The following SPOCK3 variants were observed in gnomAD, a reference collection of about 807,000 sequenced individuals.
SPOCK3 encodes the protein SPARC (osteonectin), cwcv and kazal like domains proteoglycan 3.
In SPOCK3, 30 loss-of-function variants were observed where a neutral mutation model predicts 56.6. The observed-to-expected ratio is 0.53, with a 90% CI of 0.40 to 0.72. The LOEUF (loss-of-function observed/expected upper bound fraction) is 0.72, where lower values mean the gene tolerates loss of function less well. Among genes scored for constraint, SPOCK3 ranks in the 30% least tolerant of loss-of-function variants. The probability of loss-of-function intolerance (pLI) is 0.00; values close to 1 mark genes in which losing one functional copy is unlikely to be tolerated. For missense variants in SPOCK3, 527 were observed against 530.0 expected, an observed-to-expected ratio of 0.99 and a Z score of 0.06; for synonymous variants, 196 against 183.3, an observed-to-expected ratio of 1.07 and a Z score of -0.56.
At chr4:167,089,350 CTA>C (rs1758502554) in intron 2 of SPOCK3, among the ~76,000 whole-genome samples, 1 of 152,008 alleles carries the variant, frequency 6.6e-6, no homozygotes. Flanking sequence ...TTAAGATATT[CTA>C]TCTTACTCTT....
rs1323996052 is a variant in SPOCK3, at chr4:166,792,321, T to A, written c.590-32A>T. On this transcript the variant is annotated intron_variant, in intron 6 of 10. Coordinates refer to ENST00000357545, the MANE Select transcript of SPOCK3 (RefSeq NM_001040159.2). ...ACAGAGAAACAACACAAGTCTTGAA[T>A]AATATCTTAGTATAATGTTAGTGCT... 1.9e-6 allele frequency: 3 copies of A among 1,611,692 alleles called. No homozygotes were observed. In the Admixed American group the frequency reaches 5.0e-5, roughly 27 times the overall value.
intron 6 of SPOCK3, among the ~76,000 whole-genome samples, chr4:166,862,830 A>G (rs747939449): frequency 1.2e-4 from 18 of 152,226 alleles, no homozygotes; most frequent in African/African-American, 3.4e-4. Context: ...TATTTGTATT[A>G]TCATTTACAA....
intron 8 of SPOCK3, among the ~76,000 whole-genome samples, chr4:166,749,050 T>C (rs189073262): frequency 1.5e-5 from 2 of 137,558 alleles, no homozygotes; most frequent in Admixed American, 1.4e-4. Context: ...GACTGTAGAC[T>C]AGTTCAACCA....
chr4:166,851,762 A>G (rs1730117268), intron 6 of SPOCK3, among the ~76,000 whole-genome samples: 1 of 151,962 alleles, frequency 6.6e-6, no homozygotes, highest in Admixed American at 6.6e-5. Context: ...ATCTAGAACT[A>G]GAAATACCAT....
chr4:166,998,443 T>C (rs182443377), intron 4 of SPOCK3, among the ~76,000 whole-genome samples: 18 of 152,214 alleles, frequency 1.2e-4, no homozygotes, highest in Admixed American at 1.0e-3. Context: ...GTTAAGCTGT[T>C]TAATAAGTCA....
At position 166,873,218 on chromosome 4, in the gene SPOCK3, A is replaced by AC. The variant is rs546413204; in HGVS notation, c.589+15911_589+15912insG. ...AGTGATGAAGAAGTTAAAAAAAAAA[A>AC]AAAACATCAGTGGTTTCCAGGGCTT... On this transcript the variant is annotated intron_variant, in intron 6 of 10. Coordinates refer to ENST00000357545, the MANE Select transcript of SPOCK3 (RefSeq NM_001040159.2). Among the ~76,000 whole-genome samples the AC allele has an allele frequency of 2.2e-3, 336 of 152,168 alleles. 2 individuals are homozygous for AC. The highest frequency in any genetic ancestry group is 7.7e-3 in the African/African-American group (319 of 41,496).
intron 7 of SPOCK3, among the ~76,000 whole-genome samples, chr4:166,775,948 G>A (rs923703779): frequency 1.3e-5 from 2 of 152,108 alleles, no homozygotes; most frequent in African/African-American, 2.4e-5. Context: ...GGTACAGCAG[G>A]TGCTCTAGAA....
At position 166,820,588 on chromosome 4, in the gene SPOCK3, C is replaced by T. The variant is rs558772859; in HGVS notation, c.590-28299G>A. 2.6e-5 allele frequency among the ~76,000 whole-genome samples: 4 copies of T among 151,842 alleles called. No homozygotes were observed. In the East Asian group the frequency reaches 5.8e-4, roughly 22 times the overall value. On this transcript the variant is annotated intron_variant, in intron 6 of 10. Coordinates refer to ENST00000357545, the MANE Select transcript of SPOCK3 (RefSeq NM_001040159.2). Reference sequence around the variant, plus strand: ...AGTTAAAACCTAGCACTTTGGGAGGCCGAGGTTGAGTGAATCACTTGAGCC... The same window carrying T: ...AGTTAAAACCTAGCACTTTGGGAGGTCGAGGTTGAGTGAATCACTTGAGCC...
intron 3 of SPOCK3, among the ~76,000 whole-genome samples, chr4:167,059,220 C>T (rs1455281732): frequency 2.0e-5 from 3 of 152,048 alleles, no homozygotes; most frequent in Non-Finnish European, 2.9e-5. Flanking sequence ...AGGCAACCTA[C>T]AAAATGGGAG....
intron 2 of SPOCK3, among the ~76,000 whole-genome samples, chr4:167,196,454 A>C (rs765809221): frequency 2.0e-5 from 3 of 152,102 alleles, no homozygotes; most frequent in Admixed American, 6.6e-5. Flanking sequence ...AGGTCCTTAA[A>C]TCAGGGTTTC....
At position 167,212,671 on chromosome 4, in the gene SPOCK3, A is replaced by C. The variant is rs371740855; in HGVS notation, c.189+21314T>G. On this transcript the variant is annotated intron_variant, in intron 2 of 10. Transcript: ENST00000357545. ...TAGCACAAGTTGTATCTGTCTCAGT[A>C]AACTTTAATGTAATTCAGAGAACCA... 5.8e-4 allele frequency among the ~76,000 whole-genome samples: 88 copies of C among 152,334 alleles called. 4 individuals carry two copies. The South Asian group carries it at 8.3e-3, about 14-fold the overall frequency.
In SPOCK3 at chr4:167,006,886, T is replaced by G. The variant is rs562654599; in HGVS notation, c.236-6423A>C. Reference sequence around the variant, plus strand: ...CTCTTTATCCCTCGCAACTCAAAACTCTCAGGTGCCACTTTGCTCTTTCAT... The same window carrying G: ...CTCTTTATCCCTCGCAACTCAAAACGCTCAGGTGCCACTTTGCTCTTTCAT... On this transcript the variant is annotated intron_variant, in intron 3 of 10. Coordinates refer to ENST00000357545, the MANE Select transcript of SPOCK3 (RefSeq NM_001040159.2). Among the ~76,000 whole-genome samples, 7 of 152,290 alleles carry G rather than the reference T, an allele frequency of 4.6e-5. No homozygotes were observed. In the South Asian group the frequency reaches 6.2e-4, roughly 14 times the overall value.
At chr4:166,969,354 C>T (rs1251831225) in intron 4 of SPOCK3, among the ~76,000 whole-genome samples, 2 of 152,000 alleles carry the variant, frequency 1.3e-5, no homozygotes, top group Non-Finnish European at 2.9e-5. Flanking sequence ...GGCTCTGTGC[C>T]CCCACCCAAG....
chr4:166,899,274 CTAT>C, intron 5 of SPOCK3, among the ~76,000 whole-genome samples: 1 of 135,816 alleles, frequency 7.4e-6, no homozygotes, highest in East Asian at 2.3e-4. Flanking sequence ...ATCTATCTAT[CTAT>C]CTATCTATCT....
In SPOCK3 at chr4:167,082,812, GGAGGGAGGGAAGACA is replaced by G. The variant is rs1201708002; in HGVS notation, c.190-20290_190-20276del. Among the ~76,000 whole-genome samples the G allele has an allele frequency of 5.4e-5, 8 of 149,346 alleles. No homozygotes were observed. In the East Asian group the frequency reaches 1.4e-3, roughly 26 times the overall value. On this transcript the variant is annotated intron_variant, in intron 2 of 10. Coordinates refer to ENST00000357545, the MANE Select transcript of SPOCK3 (RefSeq NM_001040159.2). ...AGGAAGGGGCAGAGAGAGGACAGAG[GGAGGGAGGGAAGACA>G]GAGGGAGGGAAGGAAGGGAAGAGGG...
At chr4:166,941,373 C>A (rs1447694518) in intron 4 of SPOCK3, among the ~76,000 whole-genome samples, 1 of 152,194 alleles carries the variant, frequency 6.6e-6, no homozygotes, top group Non-Finnish European at 1.5e-5. Flanking sequence ...AACACAGAAC[C>A]ATTAGAAGAG....
Position 166,863,682 on chromosome 4 carries a change from A to C in SPOCK3, c.589+25448T>G, listed in dbSNP as rs921677458. ...GACTTTAAACCAACAAAGATCAAAA[A>C]AGACAAAGGCAGAACATAATGGTAA... On this transcript the variant is annotated intron_variant, in intron 6 of 10. Transcript: ENST00000357545. Among the ~76,000 whole-genome samples, 4 of 151,946 alleles carry C rather than the reference A, an allele frequency of 2.6e-5. No individual in the cohort carries two copies. In the East Asian group the frequency reaches 5.8e-4, roughly 22 times the overall value.
intron 6 of SPOCK3, among the ~76,000 whole-genome samples, chr4:166,840,905 A>ACT (rs1747208226): frequency 6.7e-6 from 1 of 148,562 alleles, no homozygotes; most frequent in African/African-American, 2.5e-5. Context: ...CAGCCTCCCG[A>ACT]GTAGCTGGTA....
At chr4:167,216,174 G>A (rs1735335051) in intron 2 of SPOCK3, among the ~76,000 whole-genome samples, 1 of 151,964 alleles carries the variant, frequency 6.6e-6, no homozygotes, top group Non-Finnish European at 1.5e-5. Flanking sequence ...GGAATCACAT[G>A]ATCTCCCTCT....
Sources: gnomAD v4.1 joint callset for allele counts (sites outside exome capture counted in the v4.1 genomes callset) on GRCh38, gnomAD v4.1.1 for gene constraint, MANE v1.5 for transcripts, NCBI Gene and HGNC (gene_info 2026-07-23, HGNC 2026-07-21) for gene names.